Variants in MEMO1 observed in about 807,000 individuals in gnomAD.
MEMO1 encodes the protein mediator of cell motility 1.
Under a neutral mutation model 45.2 loss-of-function variants are expected in MEMO1, and 6 were observed. The ratio of observed to expected loss-of-function variants is 0.13; its 90% CI spans 0.07 to 0.26. The LOEUF (loss-of-function observed/expected upper bound fraction) is 0.26. Among genes scored for constraint, MEMO1 ranks in the 10% least tolerant of loss-of-function variants. The pLI, the probability that MEMO1 is intolerant of heterozygous loss-of-function variation, is 1.00. For synonymous variants in MEMO1, 78 were observed against 124.3 expected (o/e 0.63, Z 2.48); for missense variants, 184 against 370.5 (o/e 0.50, Z 4.13).
At chr2:31,923,803 T>G (rs1682685405) in intron 4 of MEMO1, 1 of 1,479,562 alleles carries the variant, frequency 6.8e-7, no homozygotes, top group East Asian at 2.6e-5. Context: ...ATACATAAAT[T>G]TCCTAAGTAA....
intron 3 of MEMO1, among the ~76,000 whole-genome samples, 165 bp downstream of exon 3, chr2:31,943,137 C>G (rs540912962): frequency 7.9e-5 from 12 of 152,076 alleles, no homozygotes; most frequent in Admixed American, 3.3e-4. Context: ...TGGTGGCACA[C>G]GCCTGTAGTC....
At chr2:31,953,366 C>CAA (rs1227298943) in intron 2 of MEMO1, among the ~76,000 whole-genome samples, 13 of 72,392 alleles carry the variant, frequency 1.8e-4, no homozygotes, top group South Asian at 4.9e-4. Context: ...AACTCCGTCT[C>CAA]AAAAAAAAAA....
intron 2 of MEMO1, among the ~76,000 whole-genome samples, chr2:32,009,733 A>G (rs982299780): frequency 2.0e-5 from 3 of 152,108 alleles, no homozygotes; most frequent in East Asian, 3.9e-4. Context: ...TGGCTCGGCA[A>G]GAGGGCGGAG....
intron 2 of MEMO1, among the ~76,000 whole-genome samples, chr2:31,992,881 T>C (rs1432854310): frequency 6.6e-6 from 1 of 151,520 alleles, no homozygotes; most frequent in Non-Finnish European, 1.5e-5. Context: ...CTAAAGATAA[T>C]AAATATAAGC....
chr2:31,919,092 T>C lies in MEMO1; in HGVS notation c.326-1055A>G, dbSNP rs533406786. 3.4e-3 allele frequency among the ~76,000 whole-genome samples: 516 copies of C among 151,992 alleles called. 1 individual carries two copies. The highest frequency in any genetic ancestry group is 0.02 in the Middle Eastern group (6 of 294). ...AAAAATAAGAAAGAAGAATTTTTTC[T>C]TGCAAATGGACTCTTTTATTATTTT... On this transcript the variant is annotated intron_variant, in intron 5 of 9. Coordinates refer to ENST00000404530, the MANE Select transcript of MEMO1 (RefSeq NM_001301833.4).
At chr2:31,910,921 A>G (rs926387094) in intron 6 of MEMO1, among the ~76,000 whole-genome samples, 6 of 152,120 alleles carry the variant, frequency 3.9e-5, no homozygotes, top group African/African-American at 9.7e-5. Context: ...AAAAACTAAA[A>G]GACAGTAATA....
chr2:31,956,557 G>A (rs1488499152), intron 2 of MEMO1, among the ~76,000 whole-genome samples: 1 of 152,162 alleles, frequency 6.6e-6, no homozygotes, highest in African/African-American at 2.4e-5. Flanking sequence ...GGTAAGAGAG[G>A]CTGTAATGAT....
intron 2 of MEMO1, among the ~76,000 whole-genome samples, chr2:31,986,922 C>G (rs775304729): frequency 1.4e-4 from 21 of 152,080 alleles, no homozygotes; most frequent in Admixed American, 5.2e-4. Context: ...AGCAATGTCT[C>G]GGAAGAGAGA....
intron 8 of MEMO1, among the ~76,000 whole-genome samples, chr2:31,873,889 G>A (rs1372216235): frequency 6.6e-6 from 1 of 151,996 alleles, no homozygotes; most frequent in Non-Finnish European, 1.5e-5. Flanking sequence ...AAAAATAGCA[G>A]TGCTAAGTAA....
intron 7 of MEMO1, among the ~76,000 whole-genome samples, chr2:31,887,356 G>C (rs1676332271): frequency 6.6e-6 from 1 of 152,106 alleles, no homozygotes; most frequent in African/African-American, 2.4e-5. Flanking sequence ...TTGGAAAGTT[G>C]ATCTATAAAG....
At chr2:31,925,953 T>C (rs915703650) in intron 4 of MEMO1, among the ~76,000 whole-genome samples, 25 of 152,202 alleles carry the variant, frequency 1.6e-4, no homozygotes, top group African/African-American at 6.0e-4. Context: ...AGCAGTTGTG[T>C]AGTTTTGAGT....
At position 31,922,946 on chromosome 2, in the gene MEMO1, T is replaced by A. The variant is rs1007952038; in HGVS notation, c.213-2036A>T. On this transcript the variant is annotated intron_variant, in intron 4 of 9. Transcript: ENST00000404530. ...GCTGCAGTGAACACATGTGTACATATGTCTTTATGGCAGAACAATTTACAT... is the reference window on the plus strand; with the variant it reads ...GCTGCAGTGAACACATGTGTACATAAGTCTTTATGGCAGAACAATTTACAT... Among the ~76,000 whole-genome samples, 16 of 152,172 alleles carry A rather than the reference T, an allele frequency of 1.1e-4. No homozygotes were observed. In the South Asian group the frequency reaches 1.4e-3, roughly 14 times the overall value.
intron 2 of MEMO1, among the ~76,000 whole-genome samples, chr2:31,994,122 G>A (rs1425113996): frequency 2.0e-5 from 3 of 149,532 alleles, no homozygotes; most frequent in South Asian, 2.1e-4. Context: ...CACCACGCCT[G>A]GCTAATTTTT....
intron 7 of MEMO1, among the ~76,000 whole-genome samples, chr2:31,887,911 AAAG>A (rs1370251307): frequency 6.6e-5 from 10 of 152,148 alleles, no homozygotes; most frequent in African/African-American, 2.4e-4. Context: ...AATATACAGT[AAAG>A]AAGAAATCTG....
intron 3 of MEMO1, among the ~76,000 whole-genome samples, chr2:31,934,744 G>C (rs1318306098): frequency 6.6e-6 from 1 of 152,138 alleles, no homozygotes; most frequent in Non-Finnish European, 1.5e-5. Flanking sequence ...GCAGGGGTGT[G>C]ACAATATCAA....
chr2:31,992,591 C>A (rs1672080387), intron 2 of MEMO1, among the ~76,000 whole-genome samples: 1 of 152,202 alleles, frequency 6.6e-6, no homozygotes, highest in South Asian at 2.1e-4. Context: ...CGAGACCAGC[C>A]TGGCCAACAT....
At chr2:31,995,697 AAG>A (rs1356709268) in intron 2 of MEMO1, among the ~76,000 whole-genome samples, 1 of 151,960 alleles carries the variant, frequency 6.6e-6, no homozygotes, top group East Asian at 1.9e-4. Flanking sequence ...GAAATACAAA[AAG>A]AGAAAAAAAA....
intron 8 of MEMO1, among the ~76,000 whole-genome samples, chr2:31,876,660 C>T (rs774550025): frequency 2.2e-4 from 34 of 152,178 alleles, no homozygotes; most frequent in Admixed American, 9.8e-4. Context: ...ATAACATATC[C>T]CTAATAGAAT....
intron 3 of MEMO1, among the ~76,000 whole-genome samples, chr2:31,941,539 A>G (rs1300875006): frequency 6.6e-6 from 1 of 152,232 alleles, no homozygotes; most frequent in Non-Finnish European, 1.5e-5. Context: ...TAGTACCACA[A>G]GAGTGGCAAC....
Sources: allele counts gnomAD v4.1 joint callset (sites outside exome capture counted in the v4.1 genomes callset), GRCh38; gene constraint gnomAD v4.1.1; transcripts MANE v1.5; gene names NCBI Gene and HGNC (gene_info 2026-07-23, HGNC 2026-07-21).